The following ACACA variants were observed in gnomAD, a reference collection of about 807,000 sequenced individuals.
The protein encoded by ACACA is acetyl-CoA carboxylase 1.
In ACACA, 103 loss-of-function variants were observed where a neutral mutation model predicts 296.1. The observed-to-expected ratio is 0.35, with a 90% CI of 0.30 to 0.41. The LOEUF is 0.41. Among genes scored for constraint, ACACA ranks in the 10% least tolerant of loss-of-function variants. The pLI is 1.00. For synonymous variants in ACACA, 953 were observed against 1,038.6 expected, an observed-to-expected ratio of 0.92 and a Z score of 1.58; for missense variants, 1,554 against 2,989.7, an observed-to-expected ratio of 0.52 and a Z score of 11.20.
At chr17:37,405,101 GAT>G (rs2051427229) in intron 1 of ACACA, among the ~76,000 whole-genome samples, 1 of 152,058 alleles carries the variant, frequency 6.6e-6, no homozygotes, top group South Asian at 2.1e-4. Context: ...TCTCTTCTAG[GAT>G]AGTTTCCCTC....
At chr17:37,186,598 C>T (rs1296922529) in intron 39 of ACACA, among the ~76,000 whole-genome samples, 1 of 152,228 alleles carries the variant, frequency 6.6e-6, no homozygotes, top group Non-Finnish European at 1.5e-5. Flanking sequence ...TCAGTTCCCA[C>T]GTCTAGCCAC....
chr17:37,221,986 T>C, intron 28 of ACACA, 144 bp from the exon 29 acceptor site: 1 of 692,422 alleles, frequency 1.4e-6, no homozygotes, highest in Non-Finnish European at 2.6e-6. Flanking sequence ...TATACGTACA[T>C]ATATTGCTTT....
chr17:37,197,808 C>A (rs558826235), intron 35 of ACACA, among the ~76,000 whole-genome samples: 1 of 152,334 alleles, frequency 6.6e-6, no homozygotes, highest in South Asian at 2.1e-4. Flanking sequence ...AACATAAAAA[C>A]ACCCCAACTC....
At chr17:37,269,046 T>TAA (rs35990848) in intron 10 of ACACA, among the ~76,000 whole-genome samples, 2,181 of 121,154 alleles carry the variant, frequency 0.018, 65 homozygotes, top group African/African-American at 0.056. Flanking sequence ...GAAAAAAATG[T>TAA]AAAAAAAAAA....
intron 2 of ACACA, among the ~76,000 whole-genome samples, chr17:37,338,097 A>AAAAAT (rs376387915): frequency 0.072 from 10,721 of 149,000 alleles, 782 homozygotes; most frequent in African/African-American, 0.18. Context: ...ACTCCGTCTC[A>AAAAAT]AAAATAAAAT....
intron 44 of ACACA, 106 bp from the exon 45 acceptor site, chr17:37,150,080 C>T (rs2075973410): frequency 5.1e-6 from 5 of 987,098 alleles, no homozygotes; most frequent in Non-Finnish European, 7.9e-6. Flanking sequence ...ATAAACATTG[C>T]TTTTTATGAA....
At chr17:37,195,778 C>A (rs1452801493) in intron 35 of ACACA, among the ~76,000 whole-genome samples, 1 of 152,068 alleles carries the variant, frequency 6.6e-6, no homozygotes, top group African/African-American at 2.4e-5. Flanking sequence ...TTAGTAAATT[C>A]TTTTATCCTA....
chr17:37,111,365 C>A (rs545929538), intron 52 of ACACA, among the ~76,000 whole-genome samples, 166 bp downstream of exon 52: 1 of 152,222 alleles, frequency 6.6e-6, no homozygotes, highest in Admixed American at 6.5e-5. Flanking sequence ...CCCTATTATA[C>A]ACACTATTTC....
intron 10 of ACACA, 142 bp from the exon 11 acceptor site, chr17:37,264,036 T>A: frequency 1.5e-6 from 1 of 672,448 alleles, no homozygotes; most frequent in Non-Finnish European, 2.6e-6. Context: ...CAAAACTGAA[T>A]AAAATACAGT....
intron 24 of ACACA, 92 bp downstream of exon 24, chr17:37,240,384 G>T: frequency 9.4e-7 from 1 of 1,065,684 alleles, no homozygotes. Flanking sequence ...ACAGGAGGGG[G>T]CTTAGCTCTT....
At chr17:37,219,124 G>A (rs2079164483) in intron 29 of ACACA, among the ~76,000 whole-genome samples, 2 of 152,190 alleles carry the variant, frequency 1.3e-5, no homozygotes, top group African/African-American at 4.8e-5. Context: ...ACCTCTGGGA[G>A]GGGAGATTGA....
intron 45 of ACACA, among the ~76,000 whole-genome samples, chr17:37,133,893 C>T (rs1371209541): frequency 1.3e-5 from 2 of 152,164 alleles, no homozygotes; most frequent in African/African-American, 4.8e-5. Context: ...ATGGGCTCCA[C>T]CTTGGGGTCC....
intron 10 of ACACA, among the ~76,000 whole-genome samples, chr17:37,265,292 C>T (rs1033514753): frequency 1.3e-5 from 2 of 152,078 alleles, no homozygotes; most frequent in African/African-American, 4.8e-5. Flanking sequence ...GTTATTGTCG[C>T]CATCTCTTGC....
intron 3 of ACACA, among the ~76,000 whole-genome samples, chr17:37,286,450 C>T (rs566434058): frequency 6.6e-6 from 1 of 152,152 alleles, no homozygotes; most frequent in Non-Finnish European, 1.5e-5. Flanking sequence ...TTATGCTGTG[C>T]TCTGTGACAA....
At chr17:37,263,533 C>A (rs190611194) in intron 11 of ACACA, 152 bp downstream of exon 11, 4 of 696,614 alleles carry the variant, frequency 5.7e-6, no homozygotes, top group South Asian at 3.8e-5. Flanking sequence ...AGTGGGAGAA[C>A]AGTAGAATTT....
intron 14 of ACACA, 88 bp from the exon 15 acceptor site, chr17:37,253,124 G>T: frequency 6.4e-7 from 1 of 1,571,574 alleles, no homozygotes; most frequent in Non-Finnish European, 8.7e-7. Flanking sequence ...AGGCATGGTG[G>T]CTCACGCCTG....
Position 37,221,708 on chromosome 17 carries a change from A to C in ACACA, c.3683+16T>G. The C allele has an allele frequency of 1.8e-5, 28 of 1,596,466 alleles. No homozygotes were observed. The highest frequency in any genetic ancestry group is 2.2e-5 in the Non-Finnish European group (26 of 1,163,952). On this transcript the variant is annotated intron_variant, in intron 29 of 55. Transcript: ENST00000616317. ...ACCTCTGGCTGGCTCGGGTGCACAT[A>C]CCACCTCAAACTCACCTGTTTGGAT...
At chr17:37,142,655 G>A (rs893269201) in intron 45 of ACACA, among the ~76,000 whole-genome samples, 2 of 152,232 alleles carry the variant, frequency 1.3e-5, no homozygotes, top group African/African-American at 4.8e-5. Context: ...CAAATTGCTA[G>A]ACTGATCCTT....
chr17:37,372,672 A>G (rs927041444), intron 1 of ACACA, among the ~76,000 whole-genome samples: 2 of 152,122 alleles, frequency 1.3e-5, no homozygotes, highest in Admixed American at 6.6e-5. Context: ...TTCCAACGCC[A>G]TATCTCTGAA....
Sources: gnomAD v4.1 joint callset for allele counts (sites outside exome capture counted in the v4.1 genomes callset) on GRCh38, gnomAD v4.1.1 for gene constraint, MANE v1.5 for transcripts, NCBI Gene and HGNC (gene_info 2026-07-23, HGNC 2026-07-21) for gene names.